The following ABR variants were observed in gnomAD, a reference collection of about 807,000 sequenced individuals.
ABR encodes ABR activator of RhoGEF and GTPase.
A neutral mutation model predicts 107.2 loss-of-function variants in ABR; 35 were observed. That is an observed-to-expected ratio of 0.33 (90% CI 0.25 to 0.43). The LOEUF (loss-of-function observed/expected upper bound fraction) is 0.43, where lower values mean the gene tolerates loss of function less well. Among genes scored for constraint, ABR ranks in the 20% least tolerant of loss-of-function variants. The pLI is 1.00. For synonymous variants in ABR, 498 were observed against 462.0 expected (o/e 1.08, Z -1.00); for missense variants, 815 against 1,115.2 (o/e 0.73, Z 3.83).
chr17:1,031,723 GGGGCAGGACGTC>G lies in ABR; in HGVS notation c.1791+18315_1791+18326del, dbSNP rs2072786411. 3.2e-6 allele frequency: 4 copies of G among 1,244,410 alleles called. No homozygotes were observed. The East Asian group carries it at 9.5e-5, about 29-fold the overall frequency. The allele number at this position is 1,244,410 out of a possible 1,614,324, so 77.1% of individuals were successfully genotyped here. Reference sequence around the variant, plus strand: ...CCCGCCTTCGGGCTGCAGTCGGGCTGGGGCAGGACGTCGGTCATGCCGGGGGGGACGGGACGC... The same window carrying G: ...CCCGCCTTCGGGCTGCAGTCGGGCTGGGTCATGCCGGGGGGGACGGGACGC... On this transcript the variant is annotated intron_variant, in intron 16 of 22. Transcript: ENST00000302538.
intron 16 of ABR, among the ~76,000 whole-genome samples, chr17:1,033,438 G>T (rs1433929918): frequency 6.6e-6 from 1 of 152,202 alleles, no homozygotes; most frequent in Non-Finnish European, 1.5e-5. Context: ...TGAGCTACGT[G>T]TCCAAGGCCA....
At chr17:1,020,738 C>G (rs572751701) in intron 16 of ABR, among the ~76,000 whole-genome samples, 1 of 152,170 alleles carries the variant, frequency 6.6e-6, no homozygotes, top group African/African-American at 2.4e-5. Context: ...GGGTGCTCCA[C>G]GCACACCTGA....
intron 1 of ABR, among the ~76,000 whole-genome samples, chr17:1,195,516 A>T (rs1053509047): frequency 6.6e-6 from 1 of 151,848 alleles, no homozygotes; most frequent in Non-Finnish European, 1.5e-5. Flanking sequence ...CATTTTAAAG[A>T]AAATTATTGG....
At chr17:1,129,083 G>A (rs186453194) in intron 1 of ABR, among the ~76,000 whole-genome samples, 43 of 152,282 alleles carry the variant, frequency 2.8e-4, no homozygotes, top group Admixed American at 6.5e-4. Context: ...GACTGTCACC[G>A]TCCTTCTCAG....
At chr17:1,212,914 A>G (rs567845541) in intron 1 of ABR, among the ~76,000 whole-genome samples, 1 of 152,100 alleles carries the variant, frequency 6.6e-6, no homozygotes, top group East Asian at 1.9e-4. Context: ...GAGAGAGATA[A>G]AGAGATACTT....
chr17:1,099,725 C>T (rs1476193320), intron 3 of ABR, among the ~76,000 whole-genome samples: 1 of 152,190 alleles, frequency 6.6e-6, no homozygotes, highest in East Asian at 1.9e-4. Context: ...TTTCATATTC[C>T]CCTCCCAATC....
At chr17:1,040,378 C>T (rs183263569) in intron 16 of ABR, among the ~76,000 whole-genome samples, 17 of 152,300 alleles carry the variant, frequency 1.1e-4, no homozygotes, top group African/African-American at 3.8e-4. Context: ...GCTCCCCAGC[C>T]GCTGACAAAG....
At chr17:1,136,231 T>TTTG (rs1281070932) in intron 1 of ABR, among the ~76,000 whole-genome samples, 5 of 152,062 alleles carry the variant, frequency 3.3e-5, no homozygotes, top group Admixed American at 2.0e-4. Context: ...TTTGTTTGGT[T>TTTG]TTGTTGTTGT....
At chr17:1,213,471 C>T (rs2042940987) in intron 1 of ABR, among the ~76,000 whole-genome samples, 1 of 152,184 alleles carries the variant, frequency 6.6e-6, no homozygotes, top group Non-Finnish European at 1.5e-5. Context: ...CTCACTGCAA[C>T]CTCCGCCTCC....
chr17:1,089,464 G>C (rs892010380), intron 4 of ABR, among the ~76,000 whole-genome samples: 1 of 152,234 alleles, frequency 6.6e-6, no homozygotes, highest in African/African-American at 2.4e-5. Context: ...GGTTTAATCT[G>C]GCAGCGCTGG....
At chr17:1,217,069 G>A (rs115145979) in intron 1 of ABR, among the ~76,000 whole-genome samples, 3 of 152,270 alleles carry the variant, frequency 2.0e-5, no homozygotes, top group African/African-American at 7.2e-5. Context: ...GACATGCGGC[G>A]GCTTTCCCTG....
At chr17:1,031,517 CCCCCGCAGCCCCCGCAGCCCCCCGAG>C (rs1380351420) in intron 16 of ABR, 82 of 182,562 alleles carry the variant, frequency 4.5e-4, no homozygotes, top group African/African-American at 3.4e-3. Context: ...ACCCCATCAG[CCCCCGCAGCCCCCGCAGCCCCCCGAG>C]CCCCGCAGCG....
At chr17:1,048,810 C>T (rs1345263915) in intron 16 of ABR, among the ~76,000 whole-genome samples, 4 of 151,830 alleles carry the variant, frequency 2.6e-5, no homozygotes, top group South Asian at 2.1e-4. Context: ...AGAAGCTCGG[C>T]GCCCAGCTGT....
At chr17:1,141,340 G>T (rs996048238) in intron 1 of ABR, among the ~76,000 whole-genome samples, 17 of 152,288 alleles carry the variant, frequency 1.1e-4, no homozygotes, top group Admixed American at 2.0e-4. Flanking sequence ...GTGGTCAAGG[G>T]CAGAGGCTTT....
chr17:1,185,674 A>ATAAAAT lies in ABR; in HGVS notation c.-78+1125_-78+1126insATTTTA, dbSNP rs1567873712. Reference sequence around the variant, plus strand: ...AGAAATAAAAAAAAAAAAAAAAAAAAAAAAAAGAAGGTATGTGCCCAGGTG... The same window carrying ATAAAAT: ...AGAAATAAAAAAAAAAAAAAAAAAAATAAAATAAAAAAGAAGGTATGTGCCCAGGTG... On this transcript the variant is annotated intron_variant, in intron 1 of 22. Coordinates refer to the ABR transcript ENST00000544583. 3.2e-4 allele frequency among the ~76,000 whole-genome samples: 46 copies of ATAAAAT among 145,530 alleles called. No homozygotes were observed. In the East Asian group the frequency reaches 4.9e-3, roughly 15 times the overall value.
rs935443142 is a variant in ABR at position 1,179,663 on chromosome 17, G to T, written c.61+4C>A. 6.5e-7 allele frequency: 1 copy of T among 1,549,002 alleles called. No individual in the cohort carries two copies. The highest frequency in any genetic ancestry group is 8.7e-7 in the Non-Finnish European group (1 of 1,147,744). The stretch of plus-strand genomic sequence containing the variant: ...GGGGTCCCGCCCCCGCCCGGCACAC[G>T]TACTGCTGTAGAGGGTGTCGATCCA... On this transcript the variant is annotated splice_donor_region_variant and intron_variant, in intron 1 of 22. Transcript: ENST00000302538. This position sits in a 1 kb window ranked among gnomAD's most constrained non-coding sequence, Gnocchi z 4.9.
At chr17:1,025,255 C>G (rs2072100515) in intron 16 of ABR, among the ~76,000 whole-genome samples, 1 of 152,094 alleles carries the variant, frequency 6.6e-6, no homozygotes, top group Admixed American at 6.5e-5. Flanking sequence ...GAGATCGCGC[C>G]ATTGCACTCC....
chr17:1,107,259 G>A (rs1355843208), intron 2 of ABR, among the ~76,000 whole-genome samples: 3 of 152,226 alleles, frequency 2.0e-5, no homozygotes, highest in Non-Finnish European at 2.9e-5. Flanking sequence ...GGCCACCGCC[G>A]TACACAGCAG....
intron 1 of ABR, among the ~76,000 whole-genome samples, chr17:1,174,039 A>G (rs1046166337): frequency 6.6e-6 from 1 of 152,200 alleles, no homozygotes; most frequent in Non-Finnish European, 1.5e-5. Context: ...AGCAGATCAT[A>G]CCTCAGACAG....
Sources: gnomAD v4.1 joint callset for allele counts (sites outside exome capture counted in the v4.1 genomes callset) on GRCh38, gnomAD v4.1.1 for gene constraint, Gnocchi (gnomAD v3.1) non-coding constraint, MANE v1.5 for transcripts, NCBI Gene and HGNC (gene_info 2026-07-23, HGNC 2026-07-21) for gene names.